PPP3CA: variants seen among roughly 807,000 people sequenced by gnomAD.
PPP3CA encodes protein phosphatase 3 catalytic subunit alpha.
Under a neutral mutation model 66.5 loss-of-function variants are expected in PPP3CA, and 14 were observed. The ratio of observed to expected loss-of-function variants is 0.21; its 90% CI spans 0.14 to 0.33. PPP3CA has a LOEUF of 0.33. Among genes scored for constraint, PPP3CA ranks in the 10% least tolerant of loss-of-function variants. The probability of loss-of-function intolerance (pLI) is 1.00; values close to 1 mark genes in which losing one functional copy is unlikely to be tolerated. For synonymous variants in PPP3CA, 232 were observed against 226.2 expected, an observed-to-expected ratio of 1.03 and a Z score of -0.23; for missense variants, 317 against 639.5, an observed-to-expected ratio of 0.50 and a Z score of 5.44.
intron 2 of PPP3CA, among the ~76,000 whole-genome samples, chr4:101,159,892 A>G (rs1166796630): frequency 6.6e-6 from 1 of 152,178 alleles, no homozygotes; most frequent in East Asian, 1.9e-4. Flanking sequence ...ATCTGTACAC[A>G]GAAATGGGGC....
chr4:101,034,231 G>A (rs555147873), intron 11 of PPP3CA, among the ~76,000 whole-genome samples: 3 of 152,186 alleles, frequency 2.0e-5, no homozygotes, highest in African/African-American at 7.2e-5. Flanking sequence ...ACTGAGGGGC[G>A]CTGCACTTTC....
chr4:101,315,704 T>C (rs1728864080), intron 1 of PPP3CA, among the ~76,000 whole-genome samples: 1 of 152,168 alleles, frequency 6.6e-6, no homozygotes, highest in Admixed American at 6.5e-5. Flanking sequence ...AGAAATTAAG[T>C]CAAAGTGGGT....
chr4:101,236,356 G>A (rs1726131266), intron 1 of PPP3CA, among the ~76,000 whole-genome samples: 1 of 151,908 alleles, frequency 6.6e-6, no homozygotes, highest in African/African-American at 2.4e-5. Flanking sequence ...GCCTGAGGTG[G>A]GAAAGAGCTT....
chr4:101,141,650 T>A (rs765798353), intron 2 of PPP3CA, among the ~76,000 whole-genome samples: 1 of 152,198 alleles, frequency 6.6e-6, no homozygotes, highest in East Asian at 1.9e-4. Context: ...CTGATCCCCA[T>A]CTCTTGTATT....
intron 1 of PPP3CA, among the ~76,000 whole-genome samples, chr4:101,293,599 C>A (rs1728100348): frequency 6.6e-6 from 1 of 152,200 alleles, no homozygotes; most frequent in South Asian, 2.1e-4. Flanking sequence ...ACACATGGGC[C>A]AGTCCCTCAC....
At chr4:101,163,269 T>C (rs1723578341) in intron 2 of PPP3CA, among the ~76,000 whole-genome samples, 1 of 152,138 alleles carries the variant, frequency 6.6e-6, no homozygotes, top group African/African-American at 2.4e-5. Flanking sequence ...ATTCCTCTGC[T>C]TTTTCTAAAA....
chr4:101,215,523 C>T (rs1451471519), intron 1 of PPP3CA, among the ~76,000 whole-genome samples: 2 of 151,910 alleles, frequency 1.3e-5, no homozygotes, highest in Non-Finnish European at 2.9e-5. Flanking sequence ...AATCCAGTTA[C>T]CAAGTAAGCA....
chr4:101,305,947 G>A lies in PPP3CA; in HGVS notation c.58+40792C>T, dbSNP rs147681831. Among the ~76,000 whole-genome samples the A allele has an allele frequency of 5.0e-3, 757 of 151,966 alleles. 5 individuals are homozygous for A. Among genetic ancestry groups the A allele is most frequent in the African/African-American group, 0.016 (679 of 41,476 alleles). ...TTTACACAGTGCTTTGAGAGGATAA[G>A]ACTTGCTGGAAAGGTACAGTGAAGT... On this transcript the variant is annotated intron_variant, in intron 1 of 13. Coordinates refer to ENST00000394854, the MANE Select transcript of PPP3CA (RefSeq NM_000944.5).
At chr4:101,085,039 AC>A (rs1729602228) in intron 6 of PPP3CA, among the ~76,000 whole-genome samples, 1 of 152,240 alleles carries the variant, frequency 6.6e-6, no homozygotes, top group Non-Finnish European at 1.5e-5. Context: ...GAGAAAAAAA[AC>A]AAAAACAAAA....
intron 1 of PPP3CA, among the ~76,000 whole-genome samples, chr4:101,309,845 A>T (rs904678213): frequency 5.9e-5 from 9 of 152,228 alleles, no homozygotes; most frequent in Middle Eastern, 3.2e-3. Context: ...ATAACAAAAA[A>T]TATTGTAGAA....
intron 10 of PPP3CA, among the ~76,000 whole-genome samples, chr4:101,059,392 A>C (rs1379997210): frequency 6.6e-6 from 1 of 152,060 alleles, no homozygotes; most frequent in Non-Finnish European, 1.5e-5. Flanking sequence ...GTGGTATATG[A>C]CTCAAAAATA....
At chr4:101,222,432 T>C (rs1725655949) in intron 1 of PPP3CA, among the ~76,000 whole-genome samples, 1 of 151,640 alleles carries the variant, frequency 6.6e-6, no homozygotes, top group South Asian at 2.1e-4. Flanking sequence ...ATTGTTCTTT[T>C]TAGCCATTGT....
At chr4:101,084,516 G>C (rs949029718) in intron 6 of PPP3CA, among the ~76,000 whole-genome samples, 4 of 151,750 alleles carry the variant, frequency 2.6e-5, no homozygotes, top group Non-Finnish European at 4.4e-5. Flanking sequence ...AGGGGTGGGC[G>C]CCTGTAATCC....
At chr4:101,203,569 T>C (rs1035112442) in intron 1 of PPP3CA, among the ~76,000 whole-genome samples, 6 of 152,204 alleles carry the variant, frequency 3.9e-5, no homozygotes, top group African/African-American at 1.4e-4. Context: ...AATAAGTACC[T>C]GAGCAGGACA....
chr4:101,040,903 C>T (rs531877660), intron 10 of PPP3CA, among the ~76,000 whole-genome samples: 1 of 152,270 alleles, frequency 6.6e-6, no homozygotes, highest in East Asian at 1.9e-4. Context: ...TCTATTTATA[C>T]AGAGACCACG....
chr4:101,054,638 C>T (rs1728151479), intron 10 of PPP3CA, among the ~76,000 whole-genome samples: 1 of 152,068 alleles, frequency 6.6e-6, no homozygotes, highest in Non-Finnish European at 1.5e-5. Context: ...TTCTGTACAA[C>T]TGTTAACAGC....
intron 1 of PPP3CA, among the ~76,000 whole-genome samples, chr4:101,321,481 G>A (rs1729039573): frequency 6.6e-6 from 1 of 152,166 alleles, no homozygotes; most frequent in Admixed American, 6.5e-5. Context: ...AATATTAGCA[G>A]AGACCAAAAA....
rs746965075 is a variant in PPP3CA at position 101,080,599 on chromosome 4, T to C, written c.888A>G (p.Thr296=). Residue 296 remains threonine (T), a synonymous_variant, in exon 8 of 14, where the codon ACA becomes ACG. Transcript: ENST00000394854. ...TTGTAATTAGAGAAGGGAAGCCTGT[T>C]GTTTGGCTTTTCCTGTACATGCGGT... The part of the protein sequence containing the change: ...AGYRMYRKSQ[T]TGFPSLITIF... 3 of 1,531,604 alleles carry C rather than the reference T, an allele frequency of 2.0e-6. No homozygotes were observed. The highest frequency in any genetic ancestry group is 1.8e-4 in the Middle Eastern group (1 of 5,706). The allele number at this position is 1,531,604 out of a possible 1,614,324, so 94.9% of individuals were successfully genotyped here. A position where few individuals can be genotyped will look rare whatever the true frequency, so the allele number is the denominator to read the frequency against.
chr4:101,269,836 A>T (rs1727282267), intron 1 of PPP3CA, among the ~76,000 whole-genome samples: 1 of 152,152 alleles, frequency 6.6e-6, no homozygotes, highest in Non-Finnish European at 1.5e-5. Context: ...CAGAAATGCA[A>T]CATCAGTAGA....
Sources: gnomAD v4.1 joint callset for allele counts (sites outside exome capture counted in the v4.1 genomes callset) on GRCh38, gnomAD v4.1.1 for gene constraint, MANE v1.5 for transcripts, NCBI Gene and HGNC (gene_info 2026-07-23, HGNC 2026-07-21) for gene names.